The following COLGALT2 variants were observed in gnomAD, a reference collection of about 807,000 sequenced individuals.
The protein encoded by COLGALT2 is procollagen galactosyltransferase 2.
Under a neutral mutation model 73.4 loss-of-function variants are expected in COLGALT2, and 49 were observed. The observed-to-expected ratio is 0.67, with a 90% CI of 0.53 to 0.85. COLGALT2 has a LOEUF of 0.85. Ranked by LOEUF, COLGALT2 falls within the 40% of genes least tolerant of loss-of-function variation. The pLI is 0.00. For synonymous variants in COLGALT2, 295 were observed against 307.6 expected, an observed-to-expected ratio of 0.96 and a Z score of 0.43; for missense variants, 722 against 790.2, an observed-to-expected ratio of 0.91 and a Z score of 1.03.
In COLGALT2 at chr1:183,957,112, T is replaced by C. The variant is rs138011698; in HGVS notation, c.953-2274A>G. Reference sequence around the variant, plus strand: ...TAATGTGAATAATTACAGCCATTGTTACAGAGGTCTTATCACTCACAGAAC... The same window carrying C: ...TAATGTGAATAATTACAGCCATTGTCACAGAGGTCTTATCACTCACAGAAC... On this transcript the variant is annotated intron_variant, in intron 6 of 11. Transcript: ENST00000361927. Among the ~76,000 whole-genome samples the C allele has an allele frequency of 1.0e-3, 157 of 152,248 alleles. 1 individual carries two copies. The highest frequency in any genetic ancestry group is 3.7e-3 in the African/African-American group (154 of 41,548).
intron 1 of COLGALT2, among the ~76,000 whole-genome samples, chr1:184,032,582 C>G (rs1431508304): frequency 6.6e-6 from 1 of 152,042 alleles, no homozygotes. Flanking sequence ...CGCTAAACTA[C>G]CAGATTGGGA....
At position 183,987,505 on chromosome 1, in the gene COLGALT2, C is replaced by A. The variant is rs143588360; in HGVS notation, c.264-8985G>T. ...TCTATCTGTAATTATGCATCACTAG[C>A]TTGCCATGCTTCCAGCACTGTGCTT... On this transcript the variant is annotated intron_variant, in intron 1 of 11. Coordinates refer to ENST00000361927, the MANE Select transcript of COLGALT2 (RefSeq NM_015101.4). Among the ~76,000 whole-genome samples the A allele has an allele frequency of 6.0e-3, 915 of 152,376 alleles. 7 individuals carry two copies. The highest frequency in any genetic ancestry group is 0.019 in the African/African-American group (790 of 41,584).
chr1:184,032,532 C>CTTGTA (rs1474505859), intron 1 of COLGALT2, among the ~76,000 whole-genome samples: 1 of 152,136 alleles, frequency 6.6e-6, no homozygotes, highest in East Asian at 1.9e-4. Flanking sequence ...TGACCCTAAG[C>CTTGTA]TTGTATATTT....
intron 6 of COLGALT2, among the ~76,000 whole-genome samples, chr1:183,959,422 C>T (rs920301543): frequency 2.6e-5 from 4 of 152,158 alleles, no homozygotes; most frequent in Non-Finnish European, 5.9e-5. Flanking sequence ...AACCCCCAGT[C>T]TTTTTCTATA....
intron 7 of COLGALT2, among the ~76,000 whole-genome samples, chr1:183,954,547 A>C (rs1200440580): frequency 6.6e-6 from 1 of 152,276 alleles, no homozygotes; most frequent in Non-Finnish European, 1.5e-5. Context: ...CTTTCTAAGT[A>C]AATGATTAAC....
intron 1 of COLGALT2, among the ~76,000 whole-genome samples, chr1:183,996,709 C>A (rs1041104464): frequency 6.6e-6 from 1 of 152,168 alleles, no homozygotes; most frequent in African/African-American, 2.4e-5. Context: ...AGGGTGCTAA[C>A]TGGAGAAGCC....
intron 1 of COLGALT2, among the ~76,000 whole-genome samples, chr1:184,011,397 T>C (rs1477308801): frequency 6.6e-6 from 1 of 152,230 alleles, no homozygotes; most frequent in African/African-American, 2.4e-5. Context: ...GAGATTACTA[T>C]GCACAACCTC....
intron 4 of COLGALT2, among the ~76,000 whole-genome samples, chr1:183,970,969 A>G (rs1357255853): frequency 6.6e-6 from 1 of 152,196 alleles, no homozygotes; most frequent in Non-Finnish European, 1.5e-5. Flanking sequence ...ATAAAGTTCT[A>G]GATTACTTAG....
downstream of COLGALT2, among the ~76,000 whole-genome samples, chr1:183,931,806 A>AG (rs1237814897): frequency 6.6e-6 from 1 of 151,884 alleles, no homozygotes; most frequent in Non-Finnish European, 1.5e-5. Flanking sequence ...TAAAAAAAAA[A>AG]AAAAAGAAGA....
intron 1 of COLGALT2, among the ~76,000 whole-genome samples, chr1:184,023,669 A>T (rs576151630): frequency 6.6e-6 from 1 of 150,788 alleles, no homozygotes; most frequent in South Asian, 2.1e-4. Flanking sequence ...TGCCGGAAGC[A>T]TTCTAGGGAA....
intron 6 of COLGALT2, among the ~76,000 whole-genome samples, chr1:183,958,933 C>T (rs932087190): frequency 2.6e-5 from 4 of 151,920 alleles, no homozygotes; most frequent in Non-Finnish European, 4.4e-5. Flanking sequence ...CAGCCTCCAT[C>T]GGATTTCTCC....
chr1:183,958,461 A>G (rs1670611308), intron 6 of COLGALT2, among the ~76,000 whole-genome samples: 1 of 152,154 alleles, frequency 6.6e-6, no homozygotes, highest in African/African-American at 2.4e-5. Flanking sequence ...CAAATGATGT[A>G]AGTGTCCTTT....
At chr1:184,007,803 C>T (rs548424580) in intron 1 of COLGALT2, among the ~76,000 whole-genome samples, 14 of 152,284 alleles carry the variant, frequency 9.2e-5, no homozygotes, top group Non-Finnish European at 1.8e-4. Flanking sequence ...GAGCTCTACC[C>T]TACTGTTTTT....
intron 1 of COLGALT2, among the ~76,000 whole-genome samples, chr1:184,011,190 C>T (rs1672224482): frequency 6.6e-6 from 1 of 152,182 alleles, no homozygotes; most frequent in Non-Finnish European, 1.5e-5. Context: ...GTACATTTCC[C>T]TACCTAGAGT....
At chr1:183,943,617 G>C (rs1670172023) in intron 10 of COLGALT2, among the ~76,000 whole-genome samples, 1 of 152,142 alleles carries the variant, frequency 6.6e-6, no homozygotes, top group South Asian at 2.1e-4. Context: ...CTCAGAGCCA[G>C]CACTCCCTTG....
chr1:183,994,249 A>G (rs1400215844), intron 1 of COLGALT2, among the ~76,000 whole-genome samples: 1 of 151,868 alleles, frequency 6.6e-6, no homozygotes, highest in Non-Finnish European at 1.5e-5. Flanking sequence ...CGTGTGAGCC[A>G]GAATGGTCTT....
At chr1:183,994,251 A>C (rs1435728498) in intron 1 of COLGALT2, among the ~76,000 whole-genome samples, 1 of 151,438 alleles carries the variant, frequency 6.6e-6, no homozygotes, top group East Asian at 1.9e-4. Context: ...TGTGAGCCAG[A>C]ATGGTCTTGA....
Position 183,978,384 on chromosome 1 carries a change from T to C in COLGALT2, c.374+26A>G, listed in dbSNP as rs1383659856. On this transcript the variant is annotated intron_variant, in intron 2 of 11. Transcript: ENST00000361927. ...TAAAGAGGAAGGGTAAATAATGAGT[T>C]TACAAATTTCGCACTTGCTACTCAC... 2.3e-6 allele frequency: 3 copies of C among 1,304,840 alleles called. No individual in the cohort carries two copies. In the South Asian group the frequency reaches 3.6e-5, roughly 16 times the overall value. 80.8% of individuals were successfully genotyped at this position (1,304,840 alleles called of 1,614,324 possible).
chr1:183,967,466 G>A (rs1012922511), intron 5 of COLGALT2, among the ~76,000 whole-genome samples: 4 of 152,202 alleles, frequency 2.6e-5, no homozygotes, highest in Admixed American at 1.3e-4. Flanking sequence ...CCTTTTCAAA[G>A]TCTGACCAAT....
Sources: allele counts gnomAD v4.1 joint callset (sites outside exome capture counted in the v4.1 genomes callset), GRCh38; gene constraint gnomAD v4.1.1; transcripts MANE v1.5; gene names NCBI Gene and HGNC (gene_info 2026-07-23, HGNC 2026-07-21).